Variants in RCOR2 observed in about 807,000 individuals in gnomAD.
RCOR2 encodes the protein REST corepressor 2.
Under a neutral mutation model 58.9 loss-of-function variants are expected in RCOR2, and 19 were observed. That is an observed-to-expected ratio of 0.32 (90% CI 0.23 to 0.47). The LOEUF (loss-of-function observed/expected upper bound fraction) is 0.47. Ranked by LOEUF, RCOR2 falls within the 20% of genes least tolerant of loss-of-function variation. The pLI, the probability that RCOR2 is intolerant of heterozygous loss-of-function variation, is 1.00. For synonymous variants in RCOR2, 286 were observed against 278.7 expected (o/e 1.03, Z -0.26); for missense variants, 590 against 707.9 (o/e 0.83, Z 1.89).
upstream of RCOR2, among the ~76,000 whole-genome samples, chr11:63,921,620 C>A (rs1389348421): frequency 6.6e-6 from 1 of 152,210 alleles, no homozygotes; most frequent in Non-Finnish European, 1.5e-5. Context: ...TCTAAAAGGG[C>A]AAGATGATCC....
the RCOR2 span, among the ~76,000 whole-genome samples, chr11:63,922,730 A>G: frequency 6.6e-6 from 1 of 152,166 alleles, no homozygotes; most frequent in Non-Finnish European, 1.5e-5. Context: ...ATTGCCTTCC[A>G]GGAAAAGGTC....
chr11:63,919,337 G>A (rs1166912858), upstream of RCOR2, among the ~76,000 whole-genome samples: 1 of 151,198 alleles, frequency 6.6e-6, no homozygotes, highest in African/African-American at 2.4e-5. Context: ...CCTCTTTTGT[G>A]CGAAGCCACA....
At chr11:63,923,988 A>C in the RCOR2 span, among the ~76,000 whole-genome samples, 1 of 152,108 alleles carries the variant, frequency 6.6e-6, no homozygotes, top group Non-Finnish European at 1.5e-5. Context: ...GGCTCACCAC[A>C]ACCTCCGCCT....
chr11:63,915,707 T>A (rs971835137), intron 1 of RCOR2, 96 bp from the exon 2 acceptor site: 6 of 1,110,226 alleles, frequency 5.4e-6, no homozygotes, highest in African/African-American at 1.5e-5. Flanking sequence ...GAGTTCTCCT[T>A]CCTGACCACC....
At position 63,911,939 on chromosome 11, in the gene RCOR2, T is replaced by C. The variant is rs1299598927; in HGVS notation, c.1498A>G (p.Ser500Gly). 6.0e-6 allele frequency: 7 copies of C among 1,175,240 alleles called. No homozygotes were observed. Among genetic ancestry groups the C allele is most frequent in the African/African-American group, 1.9e-5 (1 of 53,746 alleles). 72.8% of individuals were successfully genotyped at this position (1,175,240 alleles called of 1,614,324 possible). Reference protein sequence around the residue: ...IRPALAAPRHSARPGPQPPPT... With the variant: ...IRPALAAPRHGARPGPQPPPT... The stretch of plus-strand genomic sequence containing the variant: ...GGGGGCTGAGGGCCAGGGCGGGCGC[T>C]GTGGCGGGGGGCAGCCAGAGCGGGG... The change falls in exon 12 of 12, where the codon AGC becomes GGC. Residue 500 changes from serine (S) to glycine (G), a missense_variant. Transcript: ENST00000301459.
chr11:63,915,167 GC>G lies in RCOR2; in HGVS notation c.265+10del. On this transcript the variant is annotated intron_variant, in intron 3 of 11. Coordinates refer to ENST00000301459, the MANE Select transcript of RCOR2 (RefSeq NM_173587.4). ...CCAAGCCCCCACCTCCCAGGGCTGT[GC>G]CCCACTCACGCTTGGCATCTGACAC... The G allele has an allele frequency of 1.3e-6, 2 of 1,549,614 alleles. No homozygotes were observed. Among genetic ancestry groups the G allele is most frequent in the Non-Finnish European group, 1.7e-6 (2 of 1,145,338 alleles).
chr11:63,912,895 C>T lies in RCOR2; in HGVS notation c.944G>A (p.Gly315Asp), dbSNP rs1941796909. 6.2e-7 allele frequency: 1 copy of T among 1,613,628 alleles called. No individual in the cohort carries two copies. Among genetic ancestry groups the T allele is most frequent in the Non-Finnish European group, 8.5e-7 (1 of 1,179,896 alleles). ...CTCCGGGGGGCGTAGTGGATCAATA[C>T]CGCCCTCCAGGGCTTGGCGCAGGCT... is the stretch of plus-strand genomic sequence containing the variant. ...NSSLRQALEG[G>D]IDPLRPPEAN... The change falls in exon 9 of 12, where the codon GGT (glycine) becomes GAT (aspartate). Residue 315 changes from glycine to aspartate, a missense_variant. Physicochemically the swap from Gly to Asp is moderately conservative, Grantham distance 94. Around this residue, in one of 3 missense-constraint regions of RCOR2, gnomAD observed 390 missense variants for 478.7 expected, o/e 0.81. Coordinates refer to ENST00000301459, the MANE Select transcript of RCOR2 (RefSeq NM_173587.4).
Position 63,914,882 on chromosome 11 carries a change from C to G in RCOR2, c.318+20G>C. 6.2e-7 allele frequency: 1 copy of G among 1,612,974 alleles called. No individual in the cohort carries two copies. The highest frequency in any genetic ancestry group is 8.5e-7 in the Non-Finnish European group (1 of 1,179,324). On this transcript the variant is annotated intron_variant, in intron 4 of 11. Coordinates refer to ENST00000301459, the MANE Select transcript of RCOR2 (RefSeq NM_173587.4). ...GCACCGTTCCACCCCATTCCCAAGT[C>G]CCTGGGGGCCAAGGCTCACCTGCTC...
chr11:63,911,879 C>T lies in RCOR2; in HGVS notation c.1558G>A (p.Ala520Thr). The change falls in exon 12 of 12, where the codon GCA becomes ACA. Residue 520 changes from alanine to threonine, a missense_variant. Ala to Thr is a moderately conservative substitution (Grantham distance 58). Around this residue, in one of 3 missense-constraint regions of RCOR2, gnomAD observed 196 missense variants for 210.7 expected, o/e 0.93. Transcript: ENST00000301459. ...TLIGTPLEPP[A>T]PSL ...GACGTCAGGGCTCAGAGTGAGGGTG[C>T]TGGGGGCTCCAGAGGGGTTCCAATC... 1 of 1,094,234 alleles carries T rather than the reference C, an allele frequency of 9.1e-7. No homozygotes were observed. The highest frequency in any genetic ancestry group is 1.2e-6 in the Non-Finnish European group (1 of 802,412). The allele number at this position is 1,094,234 out of a possible 1,614,324, so 67.8% of individuals were successfully genotyped here. A position where few individuals can be genotyped will look rare whatever the true frequency, so the allele number is the denominator to read the frequency against.
rs543905673 is a variant in RCOR2, at chr11:63,916,967, C to CCGGCGGCGGCGGCGGCGGCGG, written c.-512_-511insCCGCCGCCGCCGCCGCCGCCG. The CCGGCGGCGGCGGCGGCGGCGG allele has an allele frequency of 1.4e-5, 2 of 147,030 alleles. No homozygotes were observed. Among genetic ancestry groups the CCGGCGGCGGCGGCGGCGGCGG allele is most frequent in the East Asian group, 2.0e-4 (1 of 4,994 alleles). The allele number at this position is 147,030 out of a possible 1,614,324, so 9.1% of individuals were successfully genotyped here. On this transcript the variant is annotated 5_prime_UTR_variant, in exon 1 of 12. Transcript: ENST00000301459. ...CCCGCGACGGCAGCCGGCCGGGGCA[C>CCGGCGGCGGCGGCGGCGGCGG]CGGCGGCGGCGGCGGCGGCGACGGC...
Position 63,917,097 on chromosome 11 carries a change from C to A in RCOR2, c.-641G>T, listed in dbSNP as rs558366308. On this transcript the variant is annotated 5_prime_UTR_variant, in exon 1 of 12. Transcript: ENST00000301459. ...GCACCCTCCCCGGCGCGCTCGCTCT[C>A]CCCGCCGCGCTCGGGATGCCGCTTG... Among the ~76,000 whole-genome samples, 14 of 151,396 alleles carry A rather than the reference C, an allele frequency of 9.2e-5. No homozygotes were observed. Among genetic ancestry groups the A allele is most frequent in the Non-Finnish European group, 1.9e-4 (13 of 67,650 alleles).
chr11:63,912,287 C>T lies in RCOR2; in HGVS notation c.1257+18G>A. ...CTCGCCTCTCCTCTCTGAGGGGTTT[C>T]TCTCACCCCCTTCTCACCTCATCAT... On this transcript the variant is annotated intron_variant, in intron 11 of 11. Coordinates refer to ENST00000301459, the MANE Select transcript of RCOR2 (RefSeq NM_173587.4). The T allele has an allele frequency of 6.3e-7, 1 of 1,582,438 alleles. No individual in the cohort carries two copies. Among genetic ancestry groups the T allele is most frequent in the Admixed American group, 1.7e-5 (1 of 59,696 alleles).
rs933702585 is a variant in RCOR2 at position 63,912,060 on chromosome 11, C to T, written c.1377G>A (p.Thr459=). The change falls in exon 12 of 12, where the codon ACG becomes ACA. Residue 459 remains threonine (T), a synonymous_variant. Transcript: ENST00000301459. ...PPPLLRPPLP[T]APTLLRQPPP... is the part of the protein sequence containing the mutation. ...GTGGCTGTCGGAGCAGAGTGGGAGC[C>T]GTGGGCAAAGGTGGCCTCAGCAGCG... 26 of 1,211,772 alleles carry T rather than the reference C, an allele frequency of 2.1e-5. No homozygotes were observed. The highest frequency in any genetic ancestry group is 2.1e-4 in the Admixed American group (5 of 23,934). The allele number at this position is 1,211,772 out of a possible 1,614,324, so 75.1% of individuals were successfully genotyped here. A position where few individuals can be genotyped will look rare whatever the true frequency, so the allele number is the denominator to read the frequency against.
At chr11:63,915,502 C>G in intron 2 of RCOR2, 53 bp downstream of exon 2, 2 of 1,530,772 alleles carry the variant, frequency 1.3e-6, no homozygotes, top group Non-Finnish European at 8.9e-7. Flanking sequence ...GGCTGCAGGC[C>G]AAGCCCCGGG....
intron 10 of RCOR2, 52 bp downstream of exon 10, chr11:63,912,624 G>A: frequency 6.3e-7 from 1 of 1,580,908 alleles, no homozygotes; most frequent in Non-Finnish European, 8.7e-7. Context: ...CTCCTTGGAG[G>A]GTGGGGAGAT....
the RCOR2 span, among the ~76,000 whole-genome samples, chr11:63,923,562 C>G: frequency 6.6e-6 from 1 of 152,304 alleles, no homozygotes; most frequent in South Asian, 2.1e-4. Flanking sequence ...GTTCTCACTT[C>G]ATCTCTGGGC....
upstream of RCOR2, among the ~76,000 whole-genome samples, chr11:63,920,183 G>T (rs972020718): frequency 2.0e-5 from 3 of 152,246 alleles, no homozygotes; most frequent in Non-Finnish European, 4.4e-5. Context: ...CATACAGTAG[G>T]CACTCAGTGT....
chr11:63,922,990 C>T, the RCOR2 span, among the ~76,000 whole-genome samples: 1 of 152,130 alleles, frequency 6.6e-6, no homozygotes, highest in African/African-American at 2.4e-5. Context: ...CCACAGTCCC[C>T]CTCCACCACT....
At chr11:63,913,179 TA>T (rs1255901071) in intron 8 of RCOR2, among the ~76,000 whole-genome samples, 17 of 118,180 alleles carry the variant, frequency 1.4e-4, no homozygotes, top group South Asian at 8.7e-4. Flanking sequence ...TATATATATA[TA>T]TATATTTTTT....
Sources: gnomAD v4.1 joint callset for allele counts (sites outside exome capture counted in the v4.1 genomes callset) on GRCh38, gnomAD v4.1.1 for gene constraint, gnomAD v4.1.1 regional missense constraint, MANE v1.5 for transcripts, NCBI Gene and HGNC (gene_info 2026-07-23, HGNC 2026-07-21) for gene names.